STAU1: variants seen among roughly 807,000 people sequenced by gnomAD.
The protein encoded by STAU1 is double-stranded RNA-binding protein Staufen homolog 1.
Under a neutral mutation model 62.9 loss-of-function variants are expected in STAU1, and 13 were observed. The ratio of observed to expected loss-of-function variants is 0.21; its 90% CI spans 0.13 to 0.33. STAU1 has a LOEUF of 0.33. STAU1 is among the 10% of genes least tolerant of loss of function. The probability of loss-of-function intolerance (pLI) is 1.00; values close to 1 mark genes in which losing one functional copy is unlikely to be tolerated. For missense variants in STAU1, 571 were observed against 712.1 expected (o/e 0.80, Z 2.25); for synonymous variants, 269 against 265.1 (o/e 1.01, Z -0.14).
chr20:49,124,341 T>C (rs746707994), intron 7 of STAU1, 34 bp downstream of exon 7: 1 of 1,607,480 alleles, frequency 6.2e-7, no homozygotes, highest in South Asian at 1.1e-5. Flanking sequence ...CTATAAGTAA[T>C]GAAAACACCT....
At chr20:49,156,081 A>G (rs2093352705) in intron 3 of STAU1, among the ~76,000 whole-genome samples, 1 of 152,108 alleles carries the variant, frequency 6.6e-6, no homozygotes, top group Non-Finnish European at 1.5e-5. Context: ...TATTTAAGTA[A>G]TATTTACATT....
chr20:49,171,273 A>G (rs181732019), intron 2 of STAU1, among the ~76,000 whole-genome samples: 1 of 152,328 alleles, frequency 6.6e-6, no homozygotes, highest in East Asian at 1.9e-4. Context: ...AAATACCCAC[A>G]TCATTCCTTA....
chr20:49,199,272 C>A, the STAU1 span, among the ~76,000 whole-genome samples: 6 of 151,738 alleles, frequency 4.0e-5, no homozygotes, highest in East Asian at 1.2e-3. Flanking sequence ...CGCTCTGTTG[C>A]CAGGCTGGAT....
intron 2 of STAU1, among the ~76,000 whole-genome samples, chr20:49,167,012 G>A (rs1401329005): frequency 2.6e-5 from 4 of 152,152 alleles, no homozygotes; most frequent in African/African-American, 4.8e-5. Context: ...AAGAAGACAG[G>A]AATGGATTTT....
the STAU1 span, among the ~76,000 whole-genome samples, chr20:49,208,520 C>T: frequency 2.0e-5 from 3 of 150,798 alleles, no homozygotes; most frequent in East Asian, 2.0e-4. Context: ...ATTGTATTGC[C>T]TGAGAGTCAC....
the STAU1 span, among the ~76,000 whole-genome samples, chr20:49,209,253 G>GAA: frequency 2.0e-4 from 25 of 127,000 alleles, no homozygotes; most frequent in Admixed American, 9.0e-4. Flanking sequence ...TATCTAAAAA[G>GAA]AAAAAAAAAA....
At position 49,114,778 on chromosome 20, in the gene STAU1, C is replaced by T. The variant is rs538401144; in HGVS notation, c.*100G>A. ...CACATCCTTTACCCACCGTGTCTCT[C>T]GGCCCACTGGAGGTATCAGAAATTC... On this transcript the variant is annotated 3_prime_UTR_variant, in exon 14 of 14. Transcript: ENST00000371856. The T allele has an allele frequency of 3.9e-5, 44 of 1,126,834 alleles. No homozygotes were observed. In the African/African-American group the frequency reaches 5.4e-4, roughly 14 times the overall value. 69.8% of individuals were successfully genotyped at this position (1,126,834 alleles called of 1,614,324 possible).
chr20:49,196,090 C>CT, the STAU1 span, among the ~76,000 whole-genome samples: 1 of 147,968 alleles, frequency 6.8e-6, no homozygotes, highest in Admixed American at 6.8e-5. Context: ...CACCACTGCA[C>CT]TCCAGCCTGG....
At chr20:49,142,943 C>A (rs986683280) in intron 5 of STAU1, among the ~76,000 whole-genome samples, 2 of 152,102 alleles carry the variant, frequency 1.3e-5, no homozygotes, top group African/African-American at 4.8e-5. Flanking sequence ...GCTGAGACTA[C>A]AGGTACATGC....
intron 5 of STAU1, among the ~76,000 whole-genome samples, chr20:49,151,192 A>C (rs1197783455): frequency 6.6e-6 from 1 of 152,134 alleles, no homozygotes; most frequent in Non-Finnish European, 1.5e-5. Context: ...GCTGGTAAAA[A>C]ACAGCTTCAG....
Position 49,126,588 on chromosome 20 carries a change from C to A in STAU1, c.610-2001G>T, listed in dbSNP as rs73132109. On this transcript the variant is annotated intron_variant, in intron 6 of 13. Coordinates refer to ENST00000371856, the MANE Select transcript of STAU1 (RefSeq NM_017453.4). ...GTCTCAAAAAGCAAAAAAAAAAAAACAAAAAAAAAACAAAAAAACTTAAAA... is the reference window on the plus strand; with the variant it reads ...GTCTCAAAAAGCAAAAAAAAAAAAAAAAAAAAAAAACAAAAAAACTTAAAA... Among the ~76,000 whole-genome samples the A allele has an allele frequency of 3.0e-3, 167 of 56,276 alleles. 1 individual carries two copies. The highest frequency in any genetic ancestry group is 3.5e-3 in the African/African-American group (55 of 15,744). The allele number at this position is 56,276 out of a possible 152,430, so 36.9% of individuals were successfully genotyped here. A position where few individuals can be genotyped will look rare whatever the true frequency, so the allele number is the denominator to read the frequency against.
At chr20:49,187,435 A>G (rs1239166087) in intron 1 of STAU1, among the ~76,000 whole-genome samples, 3 of 152,116 alleles carry the variant, frequency 2.0e-5, no homozygotes, top group Admixed American at 1.3e-4. Context: ...AAGAAACCCA[A>G]ACGGATAGGT....
At chr20:49,134,434 GA>G (rs3091730) in intron 6 of STAU1, 154,816 of 429,650 alleles carry the variant, frequency 0.36, 10,239 homozygotes, top group African/African-American at 0.53. Flanking sequence ...TCATCTCAGG[GA>G]AAAAAAAAAA....
chr20:49,215,987 G>C, the STAU1 span, among the ~76,000 whole-genome samples: 1 of 90,518 alleles, frequency 1.1e-5, no homozygotes, highest in African/African-American at 4.2e-5. Context: ...CAGCCTGGGT[G>C]ATATAGCAAG....
the STAU1 span, among the ~76,000 whole-genome samples, chr20:49,207,476 G>A: frequency 3.9e-5 from 6 of 152,102 alleles, no homozygotes; most frequent in Non-Finnish European, 8.8e-5. Context: ...GTGGAAGAAG[G>A]GAATTTAATT....
intron 1 of STAU1, among the ~76,000 whole-genome samples, chr20:49,176,991 A>G (rs899181888): frequency 1.3e-5 from 2 of 150,212 alleles, no homozygotes; most frequent in Non-Finnish European, 1.5e-5. Context: ...CGCTCACTGC[A>G]ACCTCCGCCT....
Position 49,151,648 on chromosome 20 carries a change from C to CGCA in STAU1, c.441_443dup (p.Ala148dup). 1 of 1,612,628 alleles carries CGCA rather than the reference C, an allele frequency of 6.2e-7. No homozygotes were observed. Among genetic ancestry groups the CGCA allele is most frequent in the Non-Finnish European group, 8.5e-7 (1 of 1,179,498 alleles). ...ACGCTTTGGCAGCAGCATCGTGTTT[C>CGCA]GCAGCCTGTCTTGTCTTTCCTTTGC... On this transcript the variant is annotated inframe_insertion, in exon 5 of 14. Transcript: ENST00000371856.
chr20:49,207,017 G>A, the STAU1 span, among the ~76,000 whole-genome samples: 1 of 151,810 alleles, frequency 6.6e-6, no homozygotes, highest in Admixed American at 6.6e-5. Flanking sequence ...GCCTCCCCAA[G>A]TGCTGGGATT....
the STAU1 span, among the ~76,000 whole-genome samples, chr20:49,208,651 G>T: frequency 6.1e-5 from 9 of 148,430 alleles, no homozygotes; most frequent in Admixed American, 2.0e-4. Flanking sequence ...ACAGAGTCTC[G>T]CTCTGTCGCC....
Sources: allele counts gnomAD v4.1 joint callset (sites outside exome capture counted in the v4.1 genomes callset), GRCh38; gene constraint gnomAD v4.1.1; transcripts MANE v1.5; gene names NCBI Gene and HGNC (gene_info 2026-07-23, HGNC 2026-07-21).